The following ME3 variants were observed in gnomAD, a reference collection of about 807,000 sequenced individuals.
The protein encoded by ME3 is NADP-dependent malic enzyme, mitochondrial.
ME3 carries 48 observed loss-of-function variants against 68.9 expected under a neutral mutation model. The ratio of observed to expected loss-of-function variants is 0.70; its 90% CI spans 0.55 to 0.89. The LOEUF (loss-of-function observed/expected upper bound fraction) is 0.89. ME3 is among the 40% of genes least tolerant of loss of function. ME3 has a pLI of 0.00. For synonymous variants in ME3, 320 were observed against 318.8 expected (o/e 1.00, Z -0.04); for missense variants, 675 against 797.4 (o/e 0.85, Z 1.85).
Position 86,499,830 on chromosome 11 carries a change from C to T in ME3, c.544-1706G>A, listed in dbSNP as rs145365152. On this transcript the variant is annotated intron_variant, in intron 5 of 14. Transcript: ENST00000543262. ...TCTGAGATTGTTATCTCTGCTTCAC[C>T]GGTGAGCAAACAGAAGCTCAAGACC... Among the ~76,000 whole-genome samples, 284 of 152,302 alleles carry T rather than the reference C, an allele frequency of 1.9e-3. 1 individual carries two copies. The highest frequency in any genetic ancestry group is 6.8e-3 in the Middle Eastern group (2 of 292).
intron 2 of ME3, among the ~76,000 whole-genome samples, chr11:86,562,072 T>A (rs370120777): frequency 1.3e-5 from 2 of 152,180 alleles, no homozygotes; most frequent in African/African-American, 4.8e-5. Flanking sequence ...TACTTGTTCA[T>A]CTCTCTTTCC....
intron 13 of ME3, 82 bp from the exon 14 acceptor site, chr11:86,443,001 C>T: frequency 5.6e-6 from 6 of 1,070,388 alleles, no homozygotes; most frequent in East Asian, 2.4e-5. Flanking sequence ...CCCAGAGACT[C>T]ACCCCACCCT....
chr11:86,439,497 C>T (rs1313211333), downstream of ME3, among the ~76,000 whole-genome samples: 5 of 152,198 alleles, frequency 3.3e-5, no homozygotes, highest in South Asian at 2.1e-4. Flanking sequence ...GGATGAATGC[C>T]GTTTCCAGGC....
chr11:86,588,974 AGGGCCTGCTCCAT>A (rs1267171737), intron 2 of ME3, among the ~76,000 whole-genome samples: 1 of 152,102 alleles, frequency 6.6e-6, no homozygotes, highest in African/African-American at 2.4e-5. Context: ...CTCACCTCCC[AGGGCCTGCTCCAT>A]GCACTCTGCA....
chr11:86,629,090 G>A (rs1000990651), intron 2 of ME3, among the ~76,000 whole-genome samples: 3 of 152,186 alleles, frequency 2.0e-5, no homozygotes, highest in Non-Finnish European at 4.4e-5. Flanking sequence ...AACCTAACTG[G>A]TGATACAGTG....
intron 8 of ME3, among the ~76,000 whole-genome samples, chr11:86,460,421 C>T (rs1330182507): frequency 6.6e-6 from 1 of 152,204 alleles, no homozygotes; most frequent in African/African-American, 2.4e-5. Context: ...TAGGCTCCTG[C>T]TCTGCACCAG....
At chr11:86,541,359 C>A (rs1460470625) in intron 4 of ME3, among the ~76,000 whole-genome samples, 4 of 152,164 alleles carry the variant, frequency 2.6e-5, no homozygotes, top group African/African-American at 4.8e-5. Flanking sequence ...CTCAGTGGAT[C>A]CCACTCCCAC....
intron 4 of ME3, among the ~76,000 whole-genome samples, chr11:86,554,863 G>T (rs1382900328): frequency 6.6e-6 from 1 of 152,176 alleles, no homozygotes; most frequent in Non-Finnish European, 1.5e-5. Context: ...CAAGAAGTTT[G>T]TATTCTAGTA....
chr11:86,580,050 T>C (rs1025656067), intron 2 of ME3, among the ~76,000 whole-genome samples: 3 of 152,256 alleles, frequency 2.0e-5, no homozygotes, highest in East Asian at 1.9e-4. Context: ...CTTGCACTTA[T>C]GAATTTGAGA....
intron 2 of ME3, among the ~76,000 whole-genome samples, chr11:86,665,798 A>G (rs2135511901): frequency 6.6e-6 from 1 of 151,954 alleles, no homozygotes; most frequent in Non-Finnish European, 1.5e-5. Context: ...AGACAGGGTA[A>G]CAGGATTTTC....
At chr11:86,544,366 G>C (rs934884084) in intron 4 of ME3, among the ~76,000 whole-genome samples, 1 of 152,186 alleles carries the variant, frequency 6.6e-6, no homozygotes, top group African/African-American at 2.4e-5. Context: ...GAATCCAGGA[G>C]CTGGTTTTTT....
chr11:86,670,444 A>G lies in ME3; in HGVS notation c.183+1318T>C, dbSNP rs897822696. ...GCAACCCTTCCTCTAGATTCTTTAG[A>G]TAAAGGAGCCTTTGTGTGCTTAAGC... is the stretch of plus-strand genomic sequence containing the variant. On this transcript the variant is annotated intron_variant, in intron 2 of 14. Coordinates refer to ENST00000543262, the Ensembl canonical transcript of ME3. 1.2e-4 allele frequency among the ~76,000 whole-genome samples: 19 copies of G among 152,322 alleles called. No homozygotes were observed. The South Asian group carries it at 2.9e-3, about 23-fold the overall frequency.
chr11:86,487,695 GAC>G (rs1951779066), intron 6 of ME3, among the ~76,000 whole-genome samples: 5 of 152,188 alleles, frequency 3.3e-5, no homozygotes, highest in Non-Finnish European at 4.4e-5. Context: ...GCCTCTGTCA[GAC>G]ACAGTCTTTC....
At chr11:86,502,225 CA>C (rs1952772298) in intron 5 of ME3, among the ~76,000 whole-genome samples, 1 of 146,972 alleles carries the variant, frequency 6.8e-6, no homozygotes, top group African/African-American at 2.7e-5. Context: ...TTTCAAGGAA[CA>C]GTTCAAAAAG....
chr11:86,596,242 T>C (rs756313507), intron 2 of ME3, among the ~76,000 whole-genome samples: 75 of 152,282 alleles, frequency 4.9e-4, no homozygotes, highest in Middle Eastern at 6.8e-3. Flanking sequence ...ACCAGATGGA[T>C]TGAGGGGTCT....
chr11:86,598,446 G>T (rs1038016594), intron 2 of ME3, among the ~76,000 whole-genome samples: 3 of 152,252 alleles, frequency 2.0e-5, no homozygotes, highest in Admixed American at 2.0e-4. Context: ...AAGCAGCCAG[G>T]AAGCTCAAAC....
intron 4 of ME3, among the ~76,000 whole-genome samples, chr11:86,517,994 G>A (rs1274209171): frequency 2.6e-5 from 4 of 152,204 alleles, no homozygotes; most frequent in Admixed American, 2.6e-4. Flanking sequence ...TCAGGAACAT[G>A]ACCTAGGGCT....
At chr11:86,570,125 G>A (rs1247039452) in intron 2 of ME3, among the ~76,000 whole-genome samples, 1 of 152,152 alleles carries the variant, frequency 6.6e-6, no homozygotes, top group Non-Finnish European at 1.5e-5. Context: ...CCTTTTACCA[G>A]CATCATTACT....
chr11:86,586,357 G>A (rs551867262), intron 2 of ME3, among the ~76,000 whole-genome samples: 4 of 152,290 alleles, frequency 2.6e-5, no homozygotes, highest in East Asian at 1.9e-4. Context: ...GGTGGGGTCC[G>A]AGGGGACAGC....
Sources: allele counts gnomAD v4.1 joint callset (sites outside exome capture counted in the v4.1 genomes callset), GRCh38; gene constraint gnomAD v4.1.1; transcripts MANE v1.5; gene names NCBI Gene and HGNC (gene_info 2026-07-23, HGNC 2026-07-21).